Variants in XKR6 observed in about 807,000 individuals in gnomAD.
The protein encoded by XKR6 is XK-related protein 6.
XKR6 carries 22 observed loss-of-function variants against 56.7 expected under a neutral mutation model. That is an observed-to-expected ratio of 0.39 (90% CI 0.28 to 0.55). The LOEUF (loss-of-function observed/expected upper bound fraction) is 0.55. Among genes scored for constraint, XKR6 ranks in the 20% least tolerant of loss-of-function variants. The probability of loss-of-function intolerance (pLI) is 0.66; values close to 1 mark genes in which losing one functional copy is unlikely to be tolerated. For synonymous variants in XKR6, 524 were observed against 387.8 expected (o/e 1.35, Z -4.13); for missense variants, 852 against 889.0 (o/e 0.96, Z 0.53).
Position 10,898,452 on chromosome 8 carries a change from C to T in XKR6, c.1426G>A (p.Ala476Thr). The change falls in exon 3 of 3, where the codon GCA becomes ACA. Residue 476 changes from alanine (A) to threonine (T), a missense_variant. Around this residue, in one of 4 missense-constraint regions of XKR6, gnomAD observed 197 missense variants for 190.9 expected, o/e 1.03. Coordinates refer to ENST00000416569, the MANE Select transcript of XKR6 (RefSeq NM_173683.4). This position sits in a 1 kb window ranked among gnomAD's most constrained non-coding sequence, Gnocchi z 6.6. ...PETTDSYAVP[A>T]LCCVFISFVA... Reference sequence around the variant, plus strand: ...AAGCTAATAAAGACACAACACAGTGCTGGCACCGCATAGGAGTCAGTGGTC... The same window carrying T: ...AAGCTAATAAAGACACAACACAGTGTTGGCACCGCATAGGAGTCAGTGGTC... The T allele has an allele frequency of 6.2e-7, 1 of 1,613,998 alleles. No homozygotes were observed. Among genetic ancestry groups the T allele is most frequent in the Non-Finnish European group, 8.5e-7 (1 of 1,180,006 alleles).
intron 1 of XKR6, chr8:11,138,345 C>CAGG (rs1286027915): frequency 6.6e-6 from 1 of 152,370 alleles, no homozygotes; most frequent in Non-Finnish European, 1.5e-5. Flanking sequence ...GGACACTGGT[C>CAGG]AGGCATCTAT....
intron 1 of XKR6, among the ~76,000 whole-genome samples, chr8:11,180,705 G>A (rs1018237899): frequency 6.6e-6 from 1 of 152,064 alleles, no homozygotes; most frequent in Non-Finnish European, 1.5e-5. Flanking sequence ...AGGAGTTCAA[G>A]CCCAGCCTGG....
chr8:11,118,640 G>A (rs1799295601), intron 1 of XKR6, among the ~76,000 whole-genome samples: 1 of 152,006 alleles, frequency 6.6e-6, no homozygotes, highest in Non-Finnish European at 1.5e-5. Context: ...TATTTCTGTG[G>A]GATCGGTGGT....
rs542958645 is a variant in XKR6 at position 11,025,200 on chromosome 8, C to T, written c.765-100370G>A. 4.6e-5 allele frequency among the ~76,000 whole-genome samples: 7 copies of T among 152,348 alleles called. No individual in the cohort carries two copies. In the South Asian group the frequency reaches 1.4e-3, roughly 32 times the overall value. On this transcript the variant is annotated intron_variant, in intron 1 of 2. Transcript: ENST00000416569. The stretch of plus-strand genomic sequence containing the variant: ...GTTCCTGCCTCTTCTCCCAAACACA[C>T]ACCCATCCACAGGAACCCTGTACTC...
chr8:11,178,562 A>ATATATATATATATG, intron 1 of XKR6, among the ~76,000 whole-genome samples: 1 of 142,886 alleles, frequency 7.0e-6, no homozygotes, highest in East Asian at 2.1e-4. Context: ...ATATATATAT[A>ATATATATATATATG]TATATATATA....
chr8:11,128,172 T>G (rs145827814), intron 1 of XKR6, among the ~76,000 whole-genome samples: 6 of 152,206 alleles, frequency 3.9e-5, no homozygotes, highest in Non-Finnish European at 7.3e-5. Flanking sequence ...GAGCTTTTTC[T>G]ACTAGAAACA....
chr8:11,093,042 TTCTC>T, intron 1 of XKR6, among the ~76,000 whole-genome samples: 1 of 117,672 alleles, frequency 8.5e-6, no homozygotes, highest in South Asian at 2.2e-4. Flanking sequence ...TTCTCTTTCT[TTCTC>T]TTTCTTTTTC....
intron 1 of XKR6, among the ~76,000 whole-genome samples, chr8:10,945,446 T>A (rs1801506302): frequency 6.6e-6 from 1 of 152,184 alleles, no homozygotes; most frequent in African/African-American, 2.4e-5. Flanking sequence ...ATGGCGCCAC[T>A]GCACTCCAGC....
chr8:10,936,217 T>G (rs1177539616), intron 1 of XKR6, among the ~76,000 whole-genome samples: 1 of 150,998 alleles, frequency 6.6e-6, no homozygotes, highest in Non-Finnish European at 1.5e-5. Context: ...AGAGTAGGAT[T>G]GCAACCCCTG....
At chr8:11,078,127 T>C (rs904652648) in intron 1 of XKR6, among the ~76,000 whole-genome samples, 2 of 152,224 alleles carry the variant, frequency 1.3e-5, no homozygotes, top group Non-Finnish European at 2.9e-5. Flanking sequence ...TAGGATTTAT[T>C]CAGTCTCATG....
chr8:10,990,493 C>T (rs1488020445), intron 1 of XKR6, among the ~76,000 whole-genome samples: 2 of 152,194 alleles, frequency 1.3e-5, no homozygotes, highest in African/African-American at 4.8e-5. Flanking sequence ...GCTGAAAAGC[C>T]TGTTCTGGCC....
intron 1 of XKR6, among the ~76,000 whole-genome samples, chr8:11,016,343 G>A (rs1798622160): frequency 6.6e-6 from 1 of 152,204 alleles, no homozygotes; most frequent in Non-Finnish European, 1.5e-5. Context: ...GCGACTTGGC[G>A]TGCGGTGCTG....
rs979929384 is a variant in XKR6, at chr8:10,954,305, T to C, written c.765-29475A>G. Among the ~76,000 whole-genome samples, 8 of 152,238 alleles carry C rather than the reference T, an allele frequency of 5.3e-5. No homozygotes were observed. In the South Asian group the frequency reaches 8.3e-4, roughly 16 times the overall value. On this transcript the variant is annotated intron_variant, in intron 1 of 2. Transcript: ENST00000416569. ...AAACAATGCAATGAGCGTTCCAATT[T>C]CTGCACATCCTTGTCAACACTTGTT... is the stretch of plus-strand genomic sequence containing the variant.
Position 10,918,586 on chromosome 8 carries a change from G to A in XKR6, c.961+6048C>T, listed in dbSNP as rs370574437. ...CTCAGCCACAGCCGTCCTTGCTTAT[G>A]GGCACAGGTTTTAGAGAAGGACTCT... On this transcript the variant is annotated intron_variant, in intron 2 of 2. Transcript: ENST00000416569. 7.9e-5 allele frequency among the ~76,000 whole-genome samples: 12 copies of A among 152,300 alleles called. No individual in the cohort carries two copies. The East Asian group carries it at 1.7e-3, about 22-fold the overall frequency.
chr8:11,019,929 C>T lies in XKR6; in HGVS notation c.765-95099G>A, dbSNP rs1798712417. On this transcript the variant is annotated intron_variant, in intron 1 of 2. Transcript: ENST00000416569. The stretch of plus-strand genomic sequence containing the variant: ...GCCGGGCCAGAGTGGGGCAGAGAGG[C>T]GGCAGGCTATAAATAGTGGAGGAAC... Among the ~76,000 whole-genome samples the T allele has an allele frequency of 3.3e-5, 5 of 152,116 alleles. No individual in the cohort carries two copies. The South Asian group carries it at 8.3e-4, about 25-fold the overall frequency.
intron 1 of XKR6, among the ~76,000 whole-genome samples, chr8:10,981,263 G>T (rs971648982): frequency 6.6e-6 from 1 of 152,154 alleles, no homozygotes; most frequent in Non-Finnish European, 1.5e-5. Flanking sequence ...ATAGATTTTC[G>T]AGAGTGAAGT....
chr8:11,139,449 C>A (rs77350595), intron 1 of XKR6, among the ~76,000 whole-genome samples: 3,532 of 152,208 alleles, frequency 0.023, 140 homozygotes, highest in African/African-American at 0.082. Flanking sequence ...GAGGCACTCA[C>A]TGAAAAGCAC....
chr8:10,957,041 C>T (rs535694365), intron 1 of XKR6, among the ~76,000 whole-genome samples: 1 of 152,152 alleles, frequency 6.6e-6, no homozygotes, highest in Non-Finnish European at 1.5e-5. Flanking sequence ...ACCTCTGCCT[C>T]CTGGGTTCAA....
chr8:10,999,032 CCCT>C (rs1356826816), intron 1 of XKR6, among the ~76,000 whole-genome samples: 1 of 152,196 alleles, frequency 6.6e-6, no homozygotes, highest in African/African-American at 2.4e-5. Context: ...GGACCAAGTA[CCCT>C]CCTCTCAATG....
Sources: allele counts gnomAD v4.1 joint callset (sites outside exome capture counted in the v4.1 genomes callset), GRCh38; gene constraint gnomAD v4.1.1; regional missense constraint gnomAD v4.1.1; non-coding constraint Gnocchi (gnomAD v3.1); transcripts MANE v1.5; gene names NCBI Gene and HGNC (gene_info 2026-07-23, HGNC 2026-07-21).